Variants in LACTBL1 observed in about 807,000 individuals in gnomAD.
The protein encoded by LACTBL1 is lactamase beta like 1.
A neutral mutation model predicts 39.6 loss-of-function variants in LACTBL1; 29 were observed. The ratio of observed to expected loss-of-function variants is 0.73; its 90% CI spans 0.55 to 1.00. LACTBL1 has a LOEUF of 1.00. Ranked by LOEUF, LACTBL1 falls within the 50% of genes least tolerant of loss-of-function variation. LACTBL1 has a pLI of 0.00. For synonymous variants in LACTBL1, 361 were observed against 360.7 expected (o/e 1.00, Z -0.01); for missense variants, 711 against 748.5 (o/e 0.95, Z 0.59).
rs186492394 is a variant in LACTBL1 at position 22,958,925 on chromosome 1, A to G, written c.318-5T>C. On this transcript the variant is annotated splice_polypyrimidine_tract_variant and splice_region_variant and intron_variant, in intron 3 of 5. Transcript: ENST00000426928. ...ATCTTGGAGATGCTGGAGATCCTAG[A>G]TAATGTTGGGAATACAAGCAGTCAA... 34 of 1,541,572 alleles carry G rather than the reference A, an allele frequency of 2.2e-5. No individual in the cohort carries two copies. The East Asian group carries it at 8.1e-4, about 37-fold the overall frequency.
At chr1:22,965,254 C>A in intron 1 of LACTBL1, 36 bp downstream of exon 3, 1 of 1,304,816 alleles carries the variant, frequency 7.7e-7, no homozygotes. Flanking sequence ...ACCCAGGGGG[C>A]TATGGGGAGG....
upstream of LACTBL1, among the ~76,000 whole-genome samples, chr1:22,969,801 C>A (rs932408242): frequency 6.6e-6 from 1 of 152,174 alleles, no homozygotes; most frequent in African/African-American, 2.4e-5. Context: ...CTCATGGTAA[C>A]TGGCTACTAC....
upstream of LACTBL1, among the ~76,000 whole-genome samples, chr1:22,966,377 C>T (rs898118383): frequency 2.6e-5 from 4 of 152,194 alleles, no homozygotes; most frequent in African/African-American, 9.7e-5. Context: ...TGCCTACCTC[C>T]CTTTCTCAAA....
intron 5 of LACTBL1, among the ~76,000 whole-genome samples, chr1:22,954,640 A>G (rs1640743679): frequency 6.6e-6 from 1 of 152,212 alleles, no homozygotes; most frequent in South Asian, 2.1e-4. Flanking sequence ...AAAGTGCACC[A>G]CCCAAGGTCA....
At chr1:22,962,472 C>A (rs1488761113) in intron 2 of LACTBL1, among the ~76,000 whole-genome samples, 7 of 152,196 alleles carry the variant, frequency 4.6e-5, no homozygotes, top group African/African-American at 1.7e-4. Context: ...CTAGAGCTGA[C>A]TGACACCTGC....
Position 22,954,053 on chromosome 1 carries a change from G to A in LACTBL1, c.660-29C>T, listed in dbSNP as rs1245881741. Reference sequence around the variant, plus strand: ...GAAGGAGAGCAGTGGCAAGTGGGACGGGGCCCTTCCTCACCCGCCCGCGCT... The same window carrying A: ...GAAGGAGAGCAGTGGCAAGTGGGACAGGGCCCTTCCTCACCCGCCCGCGCT... On this transcript the variant is annotated intron_variant, in intron 5 of 5. Transcript: ENST00000426928. 2.0e-6 allele frequency: 3 copies of A among 1,497,162 alleles called. No individual in the cohort carries two copies. The East Asian group carries it at 7.5e-5, about 38-fold the overall frequency. The allele number at this position is 1,497,162 out of a possible 1,614,324, so 92.7% of individuals were successfully genotyped here.
At chr1:22,956,714 A>T (rs1557770247) in intron 4 of LACTBL1, among the ~76,000 whole-genome samples, 2 of 152,002 alleles carry the variant, frequency 1.3e-5, no homozygotes, top group Admixed American at 1.3e-4. Context: ...TCTGTTCCTG[A>T]TCCCGCCCTG....
chr1:22,953,191 G>A (rs952551397), exon 6 of LACTBL1: 7 of 1,232,144 alleles, frequency 5.7e-6, no homozygotes, highest in Non-Finnish European at 6.1e-6. Context: ...CGAGAGCCAC[G>A]CGTCGCCGAG....
chr1:22,963,303 C>T, intron 1 of LACTBL1, 87 bp from the exon 4 acceptor site: 1 of 713,768 alleles, frequency 1.4e-6, no homozygotes. Flanking sequence ...AGAGCAGTGC[C>T]TCAAGGACAG....
At chr1:22,959,894 C>T (rs1262415878) in intron 3 of LACTBL1, 48 bp downstream of exon 5, 1 of 1,546,772 alleles carries the variant, frequency 6.5e-7, no homozygotes. Context: ...CTCCCTTGCC[C>T]TCCCATCCCT....
chr1:22,959,879 T>A, intron 3 of LACTBL1, 63 bp downstream of exon 5: 1 of 1,526,924 alleles, frequency 6.5e-7, no homozygotes, highest in East Asian at 2.5e-5. Flanking sequence ...CCTTACCTCC[T>A]AGGTCTCCCT....
chr1:22,956,870 T>G (rs1277192261), intron 4 of LACTBL1, among the ~76,000 whole-genome samples: 1 of 152,028 alleles, frequency 6.6e-6, no homozygotes, highest in Non-Finnish European at 1.5e-5. Context: ...GATTTAAGAT[T>G]CAAAGGAAAT....
chr1:22,959,850 C>A, intron 3 of LACTBL1, 92 bp downstream of exon 5: 2 of 1,426,052 alleles, frequency 1.4e-6, no homozygotes, highest in South Asian at 1.3e-5. Flanking sequence ...TAGACCCCAG[C>A]CATGATTCTC....
exon 6 of LACTBL1, chr1:22,953,692 G>A: frequency 2.3e-6 from 3 of 1,298,076 alleles, no homozygotes; most frequent in Non-Finnish European, 2.9e-6. Flanking sequence ...CAGCAGCGGC[G>A]CCAGCAGCGT....
At chr1:22,966,877 C>T (rs1289196071), upstream of LACTBL1, among the ~76,000 whole-genome samples, 1 of 152,146 alleles carries the variant, frequency 6.6e-6, no homozygotes, top group Non-Finnish European at 1.5e-5. Flanking sequence ...TCCTTCAATC[C>T]CTACCTCCAG....
chr1:22,958,887 G>A (rs1303859845), exon 4 of LACTBL1: 1 of 1,550,404 alleles, frequency 6.4e-7, no homozygotes, highest in Non-Finnish European at 8.7e-7. Flanking sequence ...GGTACAGCAT[G>A]AGGACAGGAA....
upstream of LACTBL1, chr1:22,965,536 GC>G: frequency 2.4e-6 from 1 of 419,686 alleles, no homozygotes; most frequent in Non-Finnish European, 3.2e-6. Context: ...CATCACAAGA[GC>G]CCACAGCTTT....
exon 6 of LACTBL1, chr1:22,953,649 C>G (rs867053154): frequency 9.4e-6 from 12 of 1,271,744 alleles, no homozygotes; most frequent in Non-Finnish European, 1.2e-5. Context: ...ACGGCGTGCC[C>G]GTCTCGTTGG....
At chr1:22,959,905 T>C in intron 3 of LACTBL1, 37 bp downstream of exon 5, 1 of 1,550,056 alleles carries the variant, frequency 6.5e-7, no homozygotes, top group Non-Finnish European at 8.7e-7. Context: ...TCCCATCCCT[T>C]ACCCCTCCAC....
Sources: allele counts gnomAD v4.1 joint callset (sites outside exome capture counted in the v4.1 genomes callset), GRCh38; gene constraint gnomAD v4.1.1; transcripts MANE v1.5; gene names NCBI Gene and HGNC (gene_info 2026-07-23, HGNC 2026-07-21).